The following PALD1 variants were observed in gnomAD, a reference collection of about 807,000 sequenced individuals.
PALD1 encodes the protein phosphatase domain containing paladin 1.
In PALD1, 57 loss-of-function variants were observed where a neutral mutation model predicts 96.0. The ratio of observed to expected loss-of-function variants is 0.59; its 90% confidence interval spans 0.48 to 0.74. PALD1 has a LOEUF of 0.74. Among genes scored for constraint, PALD1 ranks in the 30% least tolerant of loss-of-function variants. The pLI is 0.00. For synonymous variants in PALD1, 464 were observed against 473.6 expected, an observed-to-expected ratio of 0.98 and a Z score of 0.26; for missense variants, 1,063 against 1,143.7, an observed-to-expected ratio of 0.93 and a Z score of 1.02.
chr10:70,546,704 A>G (rs913121346), intron 17 of PALD1, among the ~76,000 whole-genome samples: 22 of 152,238 alleles, frequency 1.4e-4, no homozygotes, highest in African/African-American at 4.6e-4. Flanking sequence ...ACTTTCCAGC[A>G]CTTTGGGAGG....
chr10:70,523,588 T>C (rs1350153413), intron 1 of PALD1, among the ~76,000 whole-genome samples: 1 of 151,974 alleles, frequency 6.6e-6, no homozygotes, highest in Non-Finnish European at 1.5e-5. Context: ...ATTTTTCTGT[T>C]TGGGAACATA....
At chr10:70,542,235 T>C (rs1847265861) in intron 17 of PALD1, among the ~76,000 whole-genome samples, 1 of 152,230 alleles carries the variant, frequency 6.6e-6, no homozygotes, top group East Asian at 1.9e-4. Context: ...CCTTCCTTCT[T>C]CTGGCTGATT....
intron 1 of PALD1, among the ~76,000 whole-genome samples, chr10:70,521,694 G>C (rs1846739542): frequency 2.9e-5 from 1 of 34,990 alleles, no homozygotes; most frequent in African/African-American, 5.9e-5. Context: ...ACCATGCCCG[G>C]CTAATTTTTT....
intron 18 of PALD1, among the ~76,000 whole-genome samples, chr10:70,557,465 G>A (rs1036102919): frequency 2.0e-5 from 3 of 152,170 alleles, no homozygotes; most frequent in South Asian, 2.1e-4. Flanking sequence ...AGTGGCCCAC[G>A]GCACCAGGTC....
chr10:70,502,602 A>G (rs530805402), intron 1 of PALD1, among the ~76,000 whole-genome samples: 70 of 152,322 alleles, frequency 4.6e-4, no homozygotes, highest in African/African-American at 1.6e-3. Context: ...TTGTGTAGTC[A>G]TGAAAATGGA....
intron 1 of PALD1, among the ~76,000 whole-genome samples, chr10:70,508,784 C>CGTGTGTGT (rs111850326): frequency 0.01 from 1,030 of 99,942 alleles, 6 homozygotes; most frequent in East Asian, 0.018. Flanking sequence ...CTCTGTATGG[C>CGTGTGTGT]GTGTGTGTGT....
At chr10:70,530,142 TAG>T in intron 4 of PALD1, 74 bp downstream of exon 4, 1 of 1,293,816 alleles carries the variant, frequency 7.7e-7, no homozygotes, top group Non-Finnish European at 1.1e-6. Flanking sequence ...GGGGCAGCTT[TAG>T]AGGCGCTGGA....
chr10:70,496,749 G>A (rs1003090076), intron 1 of PALD1, among the ~76,000 whole-genome samples: 2 of 152,108 alleles, frequency 1.3e-5, no homozygotes, highest in Non-Finnish European at 2.9e-5. Flanking sequence ...ATGAACACCC[G>A]CTTCTCTAGG....
At chr10:70,498,230 A>T (rs1240901859) in intron 1 of PALD1, among the ~76,000 whole-genome samples, 12 of 152,200 alleles carry the variant, frequency 7.9e-5, no homozygotes, top group Non-Finnish European at 5.9e-5. Flanking sequence ...GTTCATCCGT[A>T]TTGTAGCATG....
rs1022510891 is a variant in PALD1 at position 70,541,493 on chromosome 10, G to A, written c.2080G>A (p.Val694Met). The change falls in exon 17 of 20, where the codon GTG becomes ATG. Residue 694 changes from valine (V) to methionine (M), a missense_variant. Val to Met is a conservative substitution (Grantham distance 21). Transcript: ENST00000263563. ...GFPEVGEEEL[V>M]SVPDAKFTKG... ...CCCCGAGGTGGGTGAGGAGGAGCTC[G>A]TGAGTGTGCCTGATGCCAAGTTCAC... 9.3e-6 allele frequency: 15 copies of A among 1,613,886 alleles called. No individual in the cohort carries two copies. The highest frequency in any genetic ancestry group is 2.7e-5 in the African/African-American group (2 of 74,984).
At position 70,564,516 on chromosome 10, in the gene PALD1, G is replaced by A; in HGVS notation, c.2415G>A (p.Gln805=). The A allele has an allele frequency of 1.2e-6, 2 of 1,613,296 alleles. No individual in the cohort carries two copies. Among genetic ancestry groups the A allele is most frequent in the Non-Finnish European group, 1.7e-6 (2 of 1,179,764 alleles). The change falls in exon 19 of 20, where the codon CAG becomes CAA. Residue 805 remains glutamine (Q), a synonymous_variant. Transcript: ENST00000263563. Reference sequence around the variant, plus strand: ...AGAGGCCCTTCAGCACCTGGATGCAGGAGGTGAGGGGAGGCTGAGGCCGAG... The same window carrying A: ...AGAGGCCCTTCAGCACCTGGATGCAAGAGGTGAGGGGAGGCTGAGGCCGAG... ...SWQRPFSTWM[Q]EVASKAGIYE...
intron 7 of PALD1, 88 bp downstream of exon 7, chr10:70,533,158 C>G: frequency 9.6e-7 from 1 of 1,041,770 alleles, no homozygotes; most frequent in Non-Finnish European, 1.5e-6. Context: ...TCTCGCCTTC[C>G]TCAGAGGAAG....
the PALD1 span, among the ~76,000 whole-genome samples, chr10:70,465,858 C>T: frequency 5.9e-5 from 9 of 152,300 alleles, no homozygotes; most frequent in East Asian, 1.4e-3. Context: ...CTGCCAGGGT[C>T]CCACAGACAT....
rs535590657 is a variant in PALD1 at position 70,541,471 on chromosome 10, C to T, written c.2058C>T (p.Pro686=). 16 of 1,613,530 alleles carry T rather than the reference C, an allele frequency of 9.9e-6. No individual in the cohort carries two copies. The Admixed American group carries it at 1.0e-4, about 10-fold the overall frequency. ...VLAFWHIQGF[P]EVGEEELVSV... is the part of the protein sequence containing the mutation. ...CAGCTGTCTTCCCTCAGGGCTTCCC[C>T]GAGGTGGGTGAGGAGGAGCTCGTGA... The change falls in exon 17 of 20, where the codon CCC becomes CCT. Residue 686 remains proline (P), a synonymous_variant. Transcript: ENST00000263563.
intron 1 of PALD1, among the ~76,000 whole-genome samples, chr10:70,496,953 C>T (rs1176109648): frequency 5.3e-5 from 8 of 152,176 alleles, no homozygotes; most frequent in Non-Finnish European, 1.0e-4. Context: ...CCAGCTGCAG[C>T]CTTGTGGGAG....
At chr10:70,475,052 G>A (rs1845805552), upstream of PALD1, among the ~76,000 whole-genome samples, 1 of 152,246 alleles carries the variant, frequency 6.6e-6, no homozygotes, top group African/African-American at 2.4e-5. Flanking sequence ...TCATCAGTAA[G>A]TACTTGCTGA....
rs187940400 is a variant in PALD1, at chr10:70,497,956, G to A, written c.-30+18897G>A. ...TAACATAAAATTTACCATTTTGGGCGTTTAAAATTGTATAATTTAATGTCA... is the reference window on the plus strand; with the variant it reads ...TAACATAAAATTTACCATTTTGGGCATTTAAAATTGTATAATTTAATGTCA... On this transcript the variant is annotated intron_variant, in intron 1 of 19. Transcript: ENST00000263563. Among the ~76,000 whole-genome samples, 47 of 152,154 alleles carry A rather than the reference G, an allele frequency of 3.1e-4. No homozygotes were observed. In the South Asian group the frequency reaches 6.4e-3, roughly 21 times the overall value.
In PALD1 at chr10:70,553,571, G is replaced by A. The variant is rs538479243; in HGVS notation, c.2262+6125G>A. On this transcript the variant is annotated intron_variant, in intron 18 of 19. Coordinates refer to ENST00000263563, the MANE Select transcript of PALD1 (RefSeq NM_014431.3). Reference sequence around the variant, plus strand: ...ATGCTGGGCTGATAGACATTTTTACGACCACCGTCCTCACTTTGCCTGTGT... The same window carrying A: ...ATGCTGGGCTGATAGACATTTTTACAACCACCGTCCTCACTTTGCCTGTGT... Among the ~76,000 whole-genome samples, 453 of 152,278 alleles carry A rather than the reference G, an allele frequency of 3.0e-3. 4 individuals are homozygous for A. The highest frequency in any genetic ancestry group is 3.4e-3 in the Non-Finnish European group (228 of 68,022).
At chr10:70,564,310 G>C in intron 18 of PALD1, 54 bp from the exon 19 acceptor site, 1 of 1,551,382 alleles carries the variant, frequency 6.4e-7, no homozygotes, top group East Asian at 2.3e-5. Context: ...GCATGTTTGT[G>C]TGTTGGGGGA....
Sources: gnomAD v4.1 joint callset for allele counts (sites outside exome capture counted in the v4.1 genomes callset) on GRCh38, gnomAD v4.1.1 for gene constraint, MANE v1.5 for transcripts, NCBI Gene and HGNC (gene_info 2026-07-23, HGNC 2026-07-21) for gene names.